UBR3: variants seen among roughly 807,000 people sequenced by gnomAD.
UBR3 encodes the protein ubiquitin protein ligase E3 component n-recognin 3, also known as E3 ubiquitin-protein ligase UBR3.
UBR3 carries 85 observed loss-of-function variants against 243.2 expected under a neutral mutation model. The ratio of observed to expected loss-of-function variants is 0.35; its 90% CI spans 0.29 to 0.42. UBR3 has a LOEUF of 0.42. UBR3 is among the 10% of genes least tolerant of loss of function. The pLI is 1.00. For missense variants in UBR3, 1,686 were observed against 2,300.8 expected, an observed-to-expected ratio of 0.73 and a Z score of 5.47; for synonymous variants, 748 against 799.8, an observed-to-expected ratio of 0.94 and a Z score of 1.09.
intron 1 of UBR3, among the ~76,000 whole-genome samples, chr2:169,856,797 G>A (rs913638524): frequency 6.6e-6 from 1 of 150,920 alleles, no homozygotes; most frequent in South Asian, 2.1e-4. Context: ...GTCCAGCCTC[G>A]GCTTGGCATC....
chr2:170,010,284 A>G (rs2090044774), intron 29 of UBR3, among the ~76,000 whole-genome samples: 1 of 152,188 alleles, frequency 6.6e-6, no homozygotes, highest in Admixed American at 6.5e-5. Flanking sequence ...TCCATATGAT[A>G]TTGTGATTAT....
At chr2:170,026,276 A>C (rs923014394) in intron 30 of UBR3, among the ~76,000 whole-genome samples, 8 of 152,070 alleles carry the variant, frequency 5.3e-5, no homozygotes, top group African/African-American at 1.9e-4. Context: ...TTATGTGGAG[A>C]TCTTATGTTT....
At position 170,008,940 on chromosome 2, in the gene UBR3, G is replaced by T; in HGVS notation, c.4367G>T (p.Arg1456Ile). The change falls in exon 29 of 39, where the codon AGA becomes ATA. Residue 1456 changes from arginine (R) to isoleucine (I), a missense_variant and splice_region_variant. This residue lies in a region of UBR3 where 371 missense variants were observed against 422.5 expected (regional missense o/e 0.88). Coordinates refer to ENST00000272793, the MANE Select transcript of UBR3 (RefSeq NM_172070.4). ...TTTCTCTTTATGTACTCTGTTGCTA[G>T]GTAGGTATATATAGTGTATACTTTT... ...NDFLFMYSVA[R>I]TNLELELIHR... The T allele has an allele frequency of 6.3e-7, 1 of 1,584,314 alleles. No individual in the cohort carries two copies.
At chr2:169,905,941 A>G in intron 9 of UBR3, 90 bp from the exon 10 acceptor site, 4 of 1,390,728 alleles carry the variant, frequency 2.9e-6, no homozygotes, top group Non-Finnish European at 3.9e-6. Flanking sequence ...GTGTGCATAA[A>G]TGTGTTTGGG....
chr2:170,081,682 C>A (rs768781602), intron 38 of UBR3, 44 bp from the exon 39 acceptor site: 2 of 1,396,702 alleles, frequency 1.4e-6, no homozygotes, highest in East Asian at 5.0e-5. Flanking sequence ...CATGTGAAAT[C>A]TTCCGTGTAT....
At chr2:169,960,236 C>CAAAAA (rs11461641) in intron 24 of UBR3, among the ~76,000 whole-genome samples, 6 of 63,992 alleles carry the variant, frequency 9.4e-5, no homozygotes, top group Admixed American at 1.6e-4. Context: ...GTGACAAGAG[C>CAAAAA]AAAAAAAAAA....
At chr2:169,869,704 A>G (rs185997350) in intron 1 of UBR3, among the ~76,000 whole-genome samples, 17 of 152,154 alleles carry the variant, frequency 1.1e-4, no homozygotes, top group Non-Finnish European at 1.5e-5. Flanking sequence ...ATTTCACTAG[A>G]TATCACAAAA....
At chr2:170,057,399 A>T (rs2091358663) in intron 33 of UBR3, among the ~76,000 whole-genome samples, 1 of 152,138 alleles carries the variant, frequency 6.6e-6, no homozygotes, top group Non-Finnish European at 1.5e-5. Context: ...GATTACAGGC[A>T]TGAGCCACCT....
chr2:169,917,298 C>T (rs189518891), intron 11 of UBR3, among the ~76,000 whole-genome samples: 1 of 152,330 alleles, frequency 6.6e-6, no homozygotes, highest in East Asian at 1.9e-4. Flanking sequence ...CACCATCCCA[C>T]TTCCAACCTG....
intron 19 of UBR3, among the ~76,000 whole-genome samples, chr2:169,939,330 C>T (rs2086478390): frequency 6.6e-6 from 1 of 151,132 alleles, no homozygotes; most frequent in Non-Finnish European, 1.5e-5. Context: ...AGGATCTCTG[C>T]TCACTGCAAG....
At position 169,921,063 on chromosome 2, in the gene UBR3, A is replaced by G. The variant is rs114715142; in HGVS notation, c.1867-2866A>G. ...TTTAAGAGATACTTAAAAAATAAGT[A>G]AACATAATTTGATACCTCATCAAAT... On this transcript the variant is annotated intron_variant, in intron 11 of 38. Transcript: ENST00000272793. Among the ~76,000 whole-genome samples, 1,294 of 152,344 alleles carry G rather than the reference A, an allele frequency of 8.5e-3. 22 individuals are homozygous for G. Among genetic ancestry groups the G allele is most frequent in the African/African-American group, 0.029 (1,208 of 41,576 alleles).
chr2:169,860,513 T>C (rs888371765), intron 1 of UBR3, among the ~76,000 whole-genome samples: 1 of 152,200 alleles, frequency 6.6e-6, no homozygotes, highest in Non-Finnish European at 1.5e-5. Flanking sequence ...ACTAATTGTT[T>C]AAGATGAGGG....
chr2:170,038,490 T>A (rs1268938253), intron 31 of UBR3, among the ~76,000 whole-genome samples: 5 of 152,314 alleles, frequency 3.3e-5, no homozygotes, highest in African/African-American at 1.2e-4. Context: ...CTGTGGAAAC[T>A]TCTTCCAGGC....
At chr2:169,845,526 TC>T (rs2082443705) in intron 1 of UBR3, among the ~76,000 whole-genome samples, 1 of 135,744 alleles carries the variant, frequency 7.4e-6, no homozygotes, top group African/African-American at 2.7e-5. Flanking sequence ...GTCGTCGTCG[TC>T]GTCGTCTTCT....
intron 30 of UBR3, among the ~76,000 whole-genome samples, chr2:170,017,536 C>CACACAG (rs1553535826): frequency 5.9e-4 from 26 of 43,832 alleles, no homozygotes; most frequent in East Asian, 3.0e-3. Flanking sequence ...CACACACACA[C>CACACAG]ACACACACAG....
At chr2:169,850,578 C>G (rs751976284) in intron 1 of UBR3, among the ~76,000 whole-genome samples, 1 of 152,162 alleles carries the variant, frequency 6.6e-6, no homozygotes, top group Non-Finnish European at 1.5e-5. Context: ...GGCACAGTGA[C>G]TCATGCCTGT....
chr2:170,048,594 A>G (rs960291070), intron 32 of UBR3, among the ~76,000 whole-genome samples: 1 of 152,200 alleles, frequency 6.6e-6, no homozygotes, highest in African/African-American at 2.4e-5. Flanking sequence ...CAGCTTGCTG[A>G]TGGCTAGCCT....
At chr2:169,878,238 G>GT (rs2083688169) in intron 4 of UBR3, among the ~76,000 whole-genome samples, 1 of 152,076 alleles carries the variant, frequency 6.6e-6, no homozygotes, top group Non-Finnish European at 1.5e-5. Flanking sequence ...GCAGGCGCCT[G>GT]TAAGCCCAGC....
intron 29 of UBR3, among the ~76,000 whole-genome samples, chr2:170,013,509 G>T (rs2090146113): frequency 6.6e-6 from 1 of 151,962 alleles, no homozygotes; most frequent in African/African-American, 2.4e-5. Flanking sequence ...GGTAGTTTTT[G>T]ATTTTTAATT....
Sources: allele counts gnomAD v4.1 joint callset (sites outside exome capture counted in the v4.1 genomes callset), GRCh38; gene constraint gnomAD v4.1.1; regional missense constraint gnomAD v4.1.1; transcripts MANE v1.5; gene names NCBI Gene and HGNC (gene_info 2026-07-23, HGNC 2026-07-21).